The following GAS7 variants were observed in gnomAD, a reference collection of about 807,000 sequenced individuals.
GAS7 encodes the protein growth arrest specific 7.
Under a neutral mutation model 71.1 loss-of-function variants are expected in GAS7, and 28 were observed. The ratio of observed to expected loss-of-function variants is 0.39; its 90% confidence interval spans 0.29 to 0.54. The LOEUF (loss-of-function observed/expected upper bound fraction) is 0.54, where lower values mean the gene tolerates loss of function less well. GAS7 is among the 20% of genes least tolerant of loss of function. The pLI, the probability that GAS7 is intolerant of heterozygous loss-of-function variation, is 0.62. For synonymous variants in GAS7, 258 were observed against 245.8 expected, an observed-to-expected ratio of 1.05 and a Z score of -0.46; for missense variants, 436 against 627.8, an observed-to-expected ratio of 0.69 and a Z score of 3.27.
At chr17:10,196,287 C>T (rs770719136) in intron 1 of GAS7, among the ~76,000 whole-genome samples, 3 of 152,192 alleles carry the variant, frequency 2.0e-5, no homozygotes, top group South Asian at 2.1e-4. Flanking sequence ...GAGCTGACTT[C>T]GCCTCTCTCA....
At chr17:10,057,770 C>T (rs878921268) in intron 1 of GAS7, among the ~76,000 whole-genome samples, 23 of 152,294 alleles carry the variant, frequency 1.5e-4, no homozygotes, top group African/African-American at 3.4e-4. Flanking sequence ...TCACTGAGAA[C>T]GGGCCATGAT....
intron 1 of GAS7, among the ~76,000 whole-genome samples, chr17:10,049,490 T>C (rs1244805771): frequency 3.3e-5 from 5 of 152,136 alleles, no homozygotes; most frequent in African/African-American, 4.8e-5. Context: ...CTTATCTTTG[T>C]ATTGGGGGAT....
intron 1 of GAS7, among the ~76,000 whole-genome samples, chr17:10,080,515 C>A (rs188115763): frequency 6.6e-6 from 1 of 152,308 alleles, no homozygotes; most frequent in East Asian, 1.9e-4. Context: ...ACTCCATGAA[C>A]TCTCCCCAAA....
chr17:10,067,783 G>A (rs2073297713), intron 1 of GAS7, among the ~76,000 whole-genome samples: 1 of 152,210 alleles, frequency 6.6e-6, no homozygotes. Flanking sequence ...CTGGTTCAGG[G>A]TGGGCCTGAT....
chr17:10,180,115 T>TGGGA (rs1307709925), intron 1 of GAS7, among the ~76,000 whole-genome samples: 1 of 151,990 alleles, frequency 6.6e-6, no homozygotes, highest in Non-Finnish European at 1.5e-5. Flanking sequence ...CCAAGGCAGG[T>TGGGA]GGATCACCTG....
Position 10,185,032 on chromosome 17 carries a change from C to A in GAS7, c.183+13176G>T, listed in dbSNP as rs143838428. ...ACCTCCACCTCCCAGGTTCAAGCAA[C>A]TCTCCTGTCTCAGCCTCCTGAGTAG... On this transcript the variant is annotated intron_variant, in intron 1 of 13. Coordinates refer to ENST00000432992, the MANE Select transcript of GAS7 (RefSeq NM_201433.2). Among the ~76,000 whole-genome samples the A allele has an allele frequency of 8.2e-4, 124 of 151,260 alleles. 1 individual carries two copies. Among genetic ancestry groups the A allele is most frequent in the African/African-American group, 2.9e-3 (120 of 41,142 alleles).
At chr17:10,158,347 A>AACAAAAAAC (rs1597825978) in intron 1 of GAS7, among the ~76,000 whole-genome samples, 27 of 147,218 alleles carry the variant, frequency 1.8e-4, no homozygotes, top group African/African-American at 2.5e-4. Flanking sequence ...AAAAAAAAAA[A>AACAAAAAAC]AAAAAAAAAA....
intron 1 of GAS7, among the ~76,000 whole-genome samples, chr17:10,126,485 C>T (rs1296497191): frequency 6.6e-6 from 1 of 151,418 alleles, no homozygotes; most frequent in Non-Finnish European, 1.5e-5. Flanking sequence ...CACACTCACA[C>T]CCACTCACAT....
At chr17:9,971,965 C>T (rs1567840322) in intron 3 of GAS7, among the ~76,000 whole-genome samples, 1 of 152,194 alleles carries the variant, frequency 6.6e-6, no homozygotes, top group African/African-American at 2.4e-5. Context: ...TTGCAGTGAA[C>T]ACTCCAGGGC....
chr17:10,131,399 G>A (rs1216964069), intron 1 of GAS7, among the ~76,000 whole-genome samples: 1 of 152,200 alleles, frequency 6.6e-6, no homozygotes, highest in Non-Finnish European at 1.5e-5. Flanking sequence ...AAGGCAGGCA[G>A]ATCACTTAAA....
chr17:10,159,065 CATATATATATATATATAT>C lies in GAS7; in HGVS notation c.183+39125_183+39142del, dbSNP rs745794234. ...ACAGAGTGAGACACTGTCTCTAAAA[CATATATATATATATATAT>C]ATATATATATATATTAAAGATAACA... is the stretch of plus-strand genomic sequence containing the variant. On this transcript the variant is annotated intron_variant, in intron 1 of 13. Transcript: ENST00000432992. Among the ~76,000 whole-genome samples the C allele has an allele frequency of 1.3e-3, 77 of 60,014 alleles. 12 individuals carry two copies. The highest frequency in any genetic ancestry group is 2.7e-3 in the African/African-American group (34 of 12,830). The allele number at this position is 60,014 out of a possible 152,430, so 39.4% of individuals were successfully genotyped here.
At chr17:9,944,617 C>T (rs769593810) in intron 6 of GAS7, among the ~76,000 whole-genome samples, 5 of 152,202 alleles carry the variant, frequency 3.3e-5, no homozygotes, top group Admixed American at 1.3e-4. Context: ...CCAGTTCCCC[C>T]GGTGTGGGAC....
rs773645095 is a variant in GAS7 at position 9,974,691 on chromosome 17, C to T, written c.386-4929G>A. On this transcript the variant is annotated intron_variant, in intron 3 of 13. Coordinates refer to ENST00000432992, the MANE Select transcript of GAS7 (RefSeq NM_201433.2). The surrounding 1 kb of genome is among the most constrained non-coding windows in gnomAD (Gnocchi z 4.0). ...CAACTTGAGAGGGCTTAGGAGGTGT[C>T]TAATGAGAGGAGGGGACAGATATTT... Among the ~76,000 whole-genome samples, 13 of 152,068 alleles carry T rather than the reference C, an allele frequency of 8.5e-5. No homozygotes were observed. Among genetic ancestry groups the T allele is most frequent in the Non-Finnish European group, 1.8e-4 (12 of 67,994 alleles).
intron 9 of GAS7, among the ~76,000 whole-genome samples, chr17:9,927,306 C>CACACAT (rs1460549537): frequency 6.7e-6 from 1 of 148,502 alleles, no homozygotes; most frequent in Non-Finnish European, 1.5e-5. Flanking sequence ...CACACACACA[C>CACACAT]ACACACACAC....
chr17:10,174,664 C>T (rs953345403), intron 1 of GAS7, among the ~76,000 whole-genome samples: 3 of 151,854 alleles, frequency 2.0e-5, no homozygotes, highest in African/African-American at 4.8e-5. Context: ...TGCACTCCAG[C>T]CTGGGCGGCA....
chr17:10,033,973 C>A, intron 1 of GAS7: 1 of 214,784 alleles, frequency 4.7e-6, no homozygotes. Flanking sequence ...AGGGCTGGAA[C>A]CGTTTCCAAG....
intron 1 of GAS7, among the ~76,000 whole-genome samples, chr17:10,138,163 C>T (rs941818424): frequency 6.6e-6 from 1 of 151,844 alleles, no homozygotes; most frequent in Non-Finnish European, 1.5e-5. Flanking sequence ...GACCGGGTTT[C>T]ACCATGTTAG....
intron 1 of GAS7, among the ~76,000 whole-genome samples, chr17:10,094,935 T>G (rs1420200195): frequency 6.6e-6 from 1 of 152,196 alleles, no homozygotes; most frequent in Admixed American, 6.5e-5. Context: ...CTCCCTTCAT[T>G]TCCATTTCTG....
At chr17:10,021,056 T>C (rs1297590539) in intron 1 of GAS7, among the ~76,000 whole-genome samples, 1 of 152,226 alleles carries the variant, frequency 6.6e-6, no homozygotes, top group Non-Finnish European at 1.5e-5. Flanking sequence ...GAAATAAAAG[T>C]TGTTAGCTAA....
Sources: allele counts gnomAD v4.1 joint callset (sites outside exome capture counted in the v4.1 genomes callset), GRCh38; gene constraint gnomAD v4.1.1; non-coding constraint Gnocchi (gnomAD v3.1); transcripts MANE v1.5; gene names NCBI Gene and HGNC (gene_info 2026-07-23, HGNC 2026-07-21).